Variants in RAD54L2 observed in about 807,000 individuals in gnomAD.
The protein encoded by RAD54L2 is helicase ARIP4.
Under a neutral mutation model 138.4 loss-of-function variants are expected in RAD54L2, and 27 were observed. The observed-to-expected ratio is 0.20, with a 90% confidence interval of 0.14 to 0.27. The LOEUF (loss-of-function observed/expected upper bound fraction) is 0.27, where lower values mean the gene tolerates loss of function less well. Ranked by LOEUF, RAD54L2 falls within the 10% of genes least tolerant of loss-of-function variation. The pLI is 1.00. For missense variants in RAD54L2, 1,396 were observed against 1,890.2 expected (o/e 0.74, Z 4.85); for synonymous variants, 644 against 723.2 (o/e 0.89, Z 1.76).
chr3:51,652,162 A>G (rs1426608746), intron 19 of RAD54L2, among the ~76,000 whole-genome samples: 6 of 152,246 alleles, frequency 3.9e-5, no homozygotes, highest in Non-Finnish European at 8.8e-5. Context: ...GAGCCAAATC[A>G]TGAGTGAACT....
At chr3:51,571,630 AGTGCTGGGATTACAGGC>A (rs1327332209) in intron 2 of RAD54L2, among the ~76,000 whole-genome samples, 2 of 151,832 alleles carry the variant, frequency 1.3e-5, no homozygotes, top group Non-Finnish European at 2.9e-5. Context: ...GGCCTCCCAA[AGTGCTGGGATTACAGGC>A]GTGAACCACC....
Position 51,645,951 on chromosome 3 carries a change from G to T in RAD54L2, c.2829+188G>T, listed in dbSNP as rs1701268344. Among the ~76,000 whole-genome samples the T allele has an allele frequency of 1.3e-5, 2 of 152,090 alleles. No individual in the cohort carries two copies. The highest frequency in any genetic ancestry group is 6.5e-5 in the Admixed American group (1 of 15,268). ...ACCACTTACCCCGTCCTCTAATCTG[G>T]TCCTGGGAGTGCTAAGGTTAGCCAT... On this transcript the variant is annotated intron_variant, in intron 18 of 22. Transcript: ENST00000684192. The surrounding 1 kb of genome is among the most constrained non-coding windows in gnomAD (Gnocchi z 6.1).
chr3:51,571,990 T>C (rs142887886), intron 2 of RAD54L2, among the ~76,000 whole-genome samples: 23 of 152,328 alleles, frequency 1.5e-4, no homozygotes, highest in African/African-American at 5.5e-4. Flanking sequence ...TTTTCTACTT[T>C]GCTATTTTGG....
Position 51,667,632 on chromosome 3 carries a change from C to T in RAD54L2, c.*4212C>T, listed in dbSNP as rs1046796166. On this transcript the variant is annotated 3_prime_UTR_variant, in exon 23 of 23. Transcript: ENST00000684192. ...GCTGACTACTCCCAGGAATCAGCAC[C>T]TCAAGGACTATTTGAGAATGTTGTG... The T allele has an allele frequency of 2.0e-5, 3 of 152,322 alleles. No individual in the cohort carries two copies. The highest frequency in any genetic ancestry group is 4.4e-5 in the Non-Finnish European group (3 of 68,108). 9.4% of individuals were successfully genotyped at this position (152,322 alleles called of 1,614,324 possible).
chr3:51,610,204 A>AT (rs1700296320), intron 3 of RAD54L2, among the ~76,000 whole-genome samples: 1 of 152,170 alleles, frequency 6.6e-6, no homozygotes, highest in Admixed American at 6.5e-5. Context: ...GCACTATAAC[A>AT]TAAGACTTTA....
intron 2 of RAD54L2, among the ~76,000 whole-genome samples, chr3:51,584,847 C>G (rs1699679095): frequency 6.6e-6 from 1 of 151,628 alleles, no homozygotes; most frequent in South Asian, 2.1e-4. Context: ...GCTCTGTTAC[C>G]TAGGCTGGAG....
chr3:51,621,372 C>T (rs1190985382), intron 3 of RAD54L2, among the ~76,000 whole-genome samples: 1 of 152,130 alleles, frequency 6.6e-6, no homozygotes, highest in Admixed American at 6.6e-5. Flanking sequence ...TATACTGTGC[C>T]TGATGATTTT....
chr3:51,593,595 G>A (rs938907210), intron 3 of RAD54L2, among the ~76,000 whole-genome samples: 2 of 152,124 alleles, frequency 1.3e-5, no homozygotes, highest in Admixed American at 6.5e-5. Context: ...GCCTCCCAAA[G>A]TGCTGGCATT....
chr3:51,543,771 G>T (rs1698618203), intron 2 of RAD54L2, among the ~76,000 whole-genome samples: 1 of 152,026 alleles, frequency 6.6e-6, no homozygotes, highest in South Asian at 2.1e-4. Flanking sequence ...GGCACGTGAG[G>T]CTCAGTTATA....
chr3:51,580,947 TCA>T (rs751721979), intron 2 of RAD54L2, among the ~76,000 whole-genome samples: 1 of 152,168 alleles, frequency 6.6e-6, no homozygotes, highest in African/African-American at 2.4e-5. Flanking sequence ...AAAGTATATA[TCA>T]CAACGTAGTA....
intron 2 of RAD54L2, among the ~76,000 whole-genome samples, chr3:51,552,649 G>C (rs180996957): frequency 1.2e-4 from 17 of 142,902 alleles, no homozygotes; most frequent in Non-Finnish European, 1.8e-4. Flanking sequence ...ATAGCTCACT[G>C]CAACCTCTGT....
Position 51,584,617 on chromosome 3 carries a change from G to A in RAD54L2, c.-54-5750G>A, listed in dbSNP as rs930018392. Among the ~76,000 whole-genome samples, 4 of 147,416 alleles carry A rather than the reference G, an allele frequency of 2.7e-5. No individual in the cohort carries two copies. In the Admixed American group the frequency reaches 2.7e-4, roughly 10 times the overall value. On this transcript the variant is annotated intron_variant, in intron 2 of 22. Coordinates refer to ENST00000684192, the MANE Select transcript of RAD54L2 (RefSeq NM_015106.4). ...CTTGGTGAGTACTATACTCCGTATAGTACTCTACAGTACTATATATATATA... is the reference window on the plus strand; with the variant it reads ...CTTGGTGAGTACTATACTCCGTATAATACTCTACAGTACTATATATATATA...
chr3:51,634,089 G>T (rs573595419), intron 9 of RAD54L2, 54 bp downstream of exon 9: 29 of 1,580,744 alleles, frequency 1.8e-5, no homozygotes, highest in Non-Finnish European at 2.3e-5. Context: ...TTCTGTCCGT[G>T]ATCTGATGTT....
At chr3:51,561,763 C>T (rs1486898542) in intron 2 of RAD54L2, among the ~76,000 whole-genome samples, 1 of 151,950 alleles carries the variant, frequency 6.6e-6, no homozygotes, top group Non-Finnish European at 1.5e-5. Context: ...CTATGTTGCC[C>T]AGACTGGTCT....
chr3:51,631,624 C>T (rs1700844905), intron 7 of RAD54L2, among the ~76,000 whole-genome samples: 1 of 150,698 alleles, frequency 6.6e-6, no homozygotes. Flanking sequence ...GATAACAGGC[C>T]TAAGCCATTG....
At chr3:51,654,397 T>G (rs190225680) in intron 19 of RAD54L2, among the ~76,000 whole-genome samples, 1 of 152,256 alleles carries the variant, frequency 6.6e-6, no homozygotes, top group Admixed American at 6.5e-5. Flanking sequence ...AAGTAGAAAG[T>G]CACTTTCTTA....
Position 51,542,397 on chromosome 3 carries a change from A to G in RAD54L2, c.-55+747A>G, listed in dbSNP as rs78924777. On this transcript the variant is annotated intron_variant, in intron 2 of 22. Coordinates refer to ENST00000684192, the MANE Select transcript of RAD54L2 (RefSeq NM_015106.4). ...AGTTTCCTTGTCTGGTGAGGAAGGC[A>G]GCTGTCTGCACCTGTTGGCACTCTG... is the stretch of plus-strand genomic sequence containing the variant. 5.6e-3 allele frequency among the ~76,000 whole-genome samples: 843 copies of G among 151,508 alleles called. 6 individuals carry two copies. Among genetic ancestry groups the G allele is most frequent in the Non-Finnish European group, 7.9e-3 (540 of 67,966 alleles).
intron 2 of RAD54L2, among the ~76,000 whole-genome samples, chr3:51,581,304 G>A (rs538276965): frequency 6.6e-6 from 1 of 152,196 alleles, no homozygotes; most frequent in Admixed American, 6.5e-5. Flanking sequence ...CACTGTGTTG[G>A]CCAAGCTGGT....
At chr3:51,585,128 A>T (rs2106697776) in intron 2 of RAD54L2, among the ~76,000 whole-genome samples, 1 of 152,130 alleles carries the variant, frequency 6.6e-6, no homozygotes, top group East Asian at 1.9e-4. Flanking sequence ...CTACTCTTAA[A>T]AGACTTTCTT....
Sources: allele counts gnomAD v4.1 joint callset (sites outside exome capture counted in the v4.1 genomes callset), GRCh38; gene constraint gnomAD v4.1.1; non-coding constraint Gnocchi (gnomAD v3.1); transcripts MANE v1.5; gene names NCBI Gene and HGNC (gene_info 2026-07-23, HGNC 2026-07-21).